Variants in DSCAM observed in about 807,000 individuals in gnomAD.
The protein encoded by DSCAM is DS cell adhesion molecule.
DSCAM carries 47 observed loss-of-function variants against 217.7 expected under a neutral mutation model. The ratio of observed to expected loss-of-function variants is 0.22; its 90% confidence interval spans 0.17 to 0.28. The LOEUF (loss-of-function observed/expected upper bound fraction) is 0.28. Ranked by LOEUF, DSCAM falls within the 10% of genes least tolerant of loss-of-function variation. The probability of loss-of-function intolerance (pLI) is 1.00; values close to 1 mark genes in which losing one functional copy is unlikely to be tolerated. For missense variants in DSCAM, 2,080 were observed against 2,618.3 expected, an observed-to-expected ratio of 0.79 and a Z score of 4.49; for synonymous variants, 1,056 against 1,015.3, an observed-to-expected ratio of 1.04 and a Z score of -0.76.
intron 1 of DSCAM, among the ~76,000 whole-genome samples, chr21:40,714,759 G>A (rs1021053478): frequency 2.0e-5 from 3 of 152,126 alleles, no homozygotes; most frequent in African/African-American, 4.8e-5. Flanking sequence ...AGACTTTTGG[G>A]GTACTGGGAT....
intron 1 of DSCAM, among the ~76,000 whole-genome samples, chr21:40,811,073 C>T (rs2091833858): frequency 1.3e-5 from 2 of 152,130 alleles, no homozygotes; most frequent in South Asian, 4.1e-4. Flanking sequence ...GAGGCCCTGG[C>T]ACAGACTGTC....
chr21:40,846,555 CCA>C, intron 1 of DSCAM, 62 bp downstream of exon 1: 1 of 211,098 alleles, frequency 4.7e-6, no homozygotes, highest in Non-Finnish European at 9.2e-6. Flanking sequence ...ATGCCACCCC[CCA>C]CCCCCCCGCC....
At chr21:40,223,709 A>G (rs1175233671) in intron 11 of DSCAM, among the ~76,000 whole-genome samples, 1 of 152,228 alleles carries the variant, frequency 6.6e-6, no homozygotes, top group African/African-American at 2.4e-5. Flanking sequence ...TCAATGTGAA[A>G]TTGTTAAAAG....
intron 20 of DSCAM, among the ~76,000 whole-genome samples, chr21:40,111,016 C>T (rs576212980): frequency 6.6e-6 from 1 of 152,094 alleles, no homozygotes; most frequent in Non-Finnish European, 1.5e-5. Context: ...GGAGAATTTC[C>T]CCAATCTAGC....
chr21:40,676,621 C>T (rs2090343236), intron 3 of DSCAM, among the ~76,000 whole-genome samples: 1 of 152,064 alleles, frequency 6.6e-6, no homozygotes, highest in Admixed American at 6.5e-5. Flanking sequence ...GTAGATTCAG[C>T]ATCAGAGGAA....
At chr21:40,513,462 C>A (rs546430206) in intron 3 of DSCAM, among the ~76,000 whole-genome samples, 1 of 152,242 alleles carries the variant, frequency 6.6e-6, no homozygotes, top group East Asian at 1.9e-4. Flanking sequence ...GTACAAGAAG[C>A]ATGGCACCAA....
chr21:40,055,282 T>C (rs1446917083), intron 29 of DSCAM, among the ~76,000 whole-genome samples: 1 of 152,180 alleles, frequency 6.6e-6, no homozygotes, highest in Non-Finnish European at 1.5e-5. Context: ...AAGTGTTAAG[T>C]ACAGTTTAAA....
intron 17 of DSCAM, 114 bp from the exon 18 acceptor site, chr21:40,142,818 A>G: frequency 8.2e-7 from 1 of 1,218,550 alleles, no homozygotes; most frequent in Admixed American, 2.3e-5. Flanking sequence ...ATTGCACTCA[A>G]CCCCAAAATG....
intron 3 of DSCAM, among the ~76,000 whole-genome samples, chr21:40,646,220 TC>T (rs1229193377): frequency 6.6e-6 from 1 of 151,990 alleles, no homozygotes; most frequent in Admixed American, 6.6e-5. Flanking sequence ...ATCGAGACCA[TC>T]CTGGCCAACA....
At chr21:40,702,310 C>A (rs994477089) in intron 2 of DSCAM, among the ~76,000 whole-genome samples, 2 of 152,114 alleles carry the variant, frequency 1.3e-5, no homozygotes, top group African/African-American at 4.8e-5. Flanking sequence ...CTATGGACTT[C>A]AGTTAATAAT....
intron 3 of DSCAM, among the ~76,000 whole-genome samples, chr21:40,671,533 A>C (rs1332249802): frequency 6.6e-6 from 1 of 151,750 alleles, no homozygotes; most frequent in Non-Finnish European, 1.5e-5. Context: ...AAAAATACAA[A>C]AATTAGCCAG....
At position 40,169,088 on chromosome 21, in the gene DSCAM, G is replaced by A. The variant is rs1217512908; in HGVS notation, c.2948-1800C>T. On this transcript the variant is annotated intron_variant, in intron 15 of 32. Coordinates refer to ENST00000400454, the MANE Select transcript of DSCAM (RefSeq NM_001389.5). ...AGGTAAACTTGAAGGAATAATGAAT[G>A]TCCTGGCAGAAACTGAAGAGGGCAG... 2.0e-5 allele frequency among the ~76,000 whole-genome samples: 3 copies of A among 152,244 alleles called. 1 individual carries two copies. Among genetic ancestry groups the A allele is most frequent in the Middle Eastern group, 3.4e-3 (1 of 294 alleles).
chr21:40,305,470 T>A (rs1358787824), intron 9 of DSCAM, among the ~76,000 whole-genome samples: 2 of 152,026 alleles, frequency 1.3e-5, no homozygotes, highest in Admixed American at 6.6e-5. Context: ...CAATTCTGGC[T>A]TTTGTTTCCA....
chr21:40,626,343 C>G (rs995818336), intron 3 of DSCAM, among the ~76,000 whole-genome samples: 1 of 152,128 alleles, frequency 6.6e-6, no homozygotes, highest in South Asian at 2.1e-4. Flanking sequence ...ACCATCATCC[C>G]TTATGTAGAC....
At chr21:40,272,147 AG>A (rs1416500428) in intron 11 of DSCAM, among the ~76,000 whole-genome samples, 1 of 151,836 alleles carries the variant, frequency 6.6e-6, no homozygotes, top group Non-Finnish European at 1.5e-5. Flanking sequence ...GGGGCACATA[AG>A]TGGCATAGCT....
At chr21:40,161,364 C>A (rs1204315156) in intron 16 of DSCAM, among the ~76,000 whole-genome samples, 3 of 151,284 alleles carry the variant, frequency 2.0e-5, no homozygotes, top group Non-Finnish European at 2.9e-5. Flanking sequence ...TACATATACA[C>A]CAAAAAGATG....
At chr21:40,597,512 T>C (rs1233041908) in intron 3 of DSCAM, among the ~76,000 whole-genome samples, 2 of 91,684 alleles carry the variant, frequency 2.2e-5, no homozygotes, top group Non-Finnish European at 5.0e-5. Flanking sequence ...TTTTTTTTTT[T>C]TTTTTTTTTT....
intron 3 of DSCAM, among the ~76,000 whole-genome samples, chr21:40,379,778 G>A (rs753240449): frequency 4.6e-5 from 7 of 152,136 alleles, no homozygotes; most frequent in Non-Finnish European, 1.0e-4. Flanking sequence ...CATACTTCGA[G>A]TTTTTTTCTA....
At chr21:40,359,779 T>C (rs983427500) in intron 4 of DSCAM, among the ~76,000 whole-genome samples, 8 of 152,182 alleles carry the variant, frequency 5.3e-5, no homozygotes, top group African/African-American at 1.9e-4. Context: ...AGTGGTTGTC[T>C]GGGACTGGGG....
Sources: gnomAD v4.1 joint callset for allele counts (sites outside exome capture counted in the v4.1 genomes callset) on GRCh38, gnomAD v4.1.1 for gene constraint, MANE v1.5 for transcripts, NCBI Gene and HGNC (gene_info 2026-07-23, HGNC 2026-07-21) for gene names.